The following SCRN1 variants were observed in gnomAD, a reference collection of about 807,000 sequenced individuals.
SCRN1 encodes secernin 1, also known as secernin-1.
A neutral mutation model predicts 43.3 loss-of-function variants in SCRN1; 19 were observed. The ratio of observed to expected loss-of-function variants is 0.44; its 90% CI spans 0.31 to 0.64. The LOEUF is 0.64. Among genes scored for constraint, SCRN1 ranks in the 30% least tolerant of loss-of-function variants. The probability of loss-of-function intolerance (pLI) is 0.09; values close to 1 mark genes in which losing one functional copy is unlikely to be tolerated. For synonymous variants in SCRN1, 183 were observed against 188.9 expected (o/e 0.97, Z 0.26); for missense variants, 447 against 524.1 (o/e 0.85, Z 1.44).
At chr7:29,969,967 T>C in intron 1 of SCRN1, 1 of 431,724 alleles carries the variant, frequency 2.3e-6, no homozygotes, top group Non-Finnish European at 4.7e-6. Context: ...TTCCATCTCC[T>C]AAATCTCTAT....
intron 3 of SCRN1, among the ~76,000 whole-genome samples, chr7:29,952,645 A>C (rs1217847501): frequency 1.3e-5 from 2 of 151,712 alleles, no homozygotes; most frequent in Admixed American, 1.3e-4. Flanking sequence ...AGCCGAGATC[A>C]TACCACTGCA....
chr7:29,958,823 G>A (rs1244078911), intron 2 of SCRN1, among the ~76,000 whole-genome samples: 2 of 152,134 alleles, frequency 1.3e-5, no homozygotes, highest in African/African-American at 4.8e-5. Context: ...ATATAAGAAT[G>A]CCCAGAGCTG....
intron 5 of SCRN1, among the ~76,000 whole-genome samples, chr7:29,938,281 A>C (rs1787409293): frequency 6.6e-6 from 1 of 152,168 alleles, no homozygotes; most frequent in Non-Finnish European, 1.5e-5. Context: ...TCCACCCTCC[A>C]TGGGCCTCCC....
intron 3 of SCRN1, among the ~76,000 whole-genome samples, chr7:29,951,008 C>A (rs564860574): frequency 6.6e-6 from 1 of 152,368 alleles, no homozygotes; most frequent in South Asian, 2.1e-4. Context: ...AGCACACCCC[C>A]AGCCCCCACC....
At chr7:29,954,538 A>G (rs1463405313) in intron 3 of SCRN1, among the ~76,000 whole-genome samples, 1 of 152,068 alleles carries the variant, frequency 6.6e-6, no homozygotes, top group Non-Finnish European at 1.5e-5. Flanking sequence ...GCAACCACTA[A>G]TCTAACTTCC....
At chr7:29,949,286 G>T (rs1396349137) in intron 3 of SCRN1, among the ~76,000 whole-genome samples, 1 of 148,800 alleles carries the variant, frequency 6.7e-6, no homozygotes, top group South Asian at 2.2e-4. Context: ...CTGCACTCCA[G>T]CCTGGGTGAC....
At chr7:29,983,411 C>T (rs946629948) in intron 1 of SCRN1, among the ~76,000 whole-genome samples, 1 of 151,290 alleles carries the variant, frequency 6.6e-6, no homozygotes, top group South Asian at 2.1e-4. Context: ...ATGTAACTAA[C>T]CTGCACAATG....
intron 1 of SCRN1, among the ~76,000 whole-genome samples, chr7:29,980,680 G>A (rs1788968339): frequency 6.6e-6 from 1 of 152,172 alleles, no homozygotes; most frequent in Non-Finnish European, 1.5e-5. Context: ...GTTACTTTAT[G>A]TCTGGCAAAG....
At chr7:29,968,254 T>G (rs1005894469) in intron 2 of SCRN1, among the ~76,000 whole-genome samples, 1 of 152,174 alleles carries the variant, frequency 6.6e-6, no homozygotes. Flanking sequence ...TGGGGCTGGT[T>G]AACTATGATA....
intron 3 of SCRN1, chr7:29,947,432 C>A: frequency 1.5e-6 from 2 of 1,299,312 alleles, no homozygotes; most frequent in Non-Finnish European, 2.1e-6. Flanking sequence ...AGATCCCTGT[C>A]CTTTTCTATC....
intron 2 of SCRN1, among the ~76,000 whole-genome samples, chr7:29,957,720 G>C (rs988119183): frequency 2.0e-5 from 3 of 152,292 alleles, no homozygotes; most frequent in South Asian, 4.1e-4. Flanking sequence ...CGCATGGTCC[G>C]CTAGAGGCTG....
At chr7:29,944,204 A>G in intron 3 of SCRN1, 25 bp from the exon 4 acceptor site, 1 of 1,607,726 alleles carries the variant, frequency 6.2e-7, no homozygotes, top group Non-Finnish European at 8.5e-7. Context: ...CCAGAACCAT[A>G]CTTCAGTCAT....
At chr7:29,958,219 C>A (rs998045131) in intron 2 of SCRN1, among the ~76,000 whole-genome samples, 1 of 152,222 alleles carries the variant, frequency 6.6e-6, no homozygotes, top group South Asian at 2.1e-4. Context: ...CAGCCATTCA[C>A]ACCTGCTCCA....
intron 3 of SCRN1, chr7:29,947,433 C>T (rs1010725519): frequency 1.5e-6 from 2 of 1,300,918 alleles, no homozygotes; most frequent in Non-Finnish European, 2.1e-6. Context: ...GATCCCTGTC[C>T]TTTTCTATCT....
intron 2 of SCRN1, 32 bp downstream of exon 2, chr7:29,968,877 T>G (rs1243782627): frequency 6.2e-7 from 1 of 1,611,030 alleles, no homozygotes; most frequent in Admixed American, 1.7e-5. Context: ...GAAAAGAGAG[T>G]GTGACTCGCG....
Position 29,989,732 on chromosome 7 carries a change from T to A in SCRN1, c.-92A>T, listed in dbSNP as rs546836072. ...GCGGGTGCTGCCGGGTCCGGATTAC[T>A]GCGGCGACCTCGGGGGCTGCAGCTG... On this transcript the variant is annotated 5_prime_UTR_variant, in exon 1 of 8. Coordinates refer to ENST00000242059, the MANE Select transcript of SCRN1 (RefSeq NM_014766.5). 1 of 986,068 alleles carries A rather than the reference T, an allele frequency of 1.0e-6. No individual in the cohort carries two copies. 61.1% of individuals were successfully genotyped at this position (986,068 alleles called of 1,614,324 possible). A position where few individuals can be genotyped will look rare whatever the true frequency, so the allele number is the denominator to read the frequency against.
intron 3 of SCRN1, among the ~76,000 whole-genome samples, chr7:29,953,404 GAAGA>G (rs1026911139): frequency 6.6e-6 from 1 of 152,038 alleles, no homozygotes; most frequent in African/African-American, 2.4e-5. Context: ...CAGGTGCTCT[GAAGA>G]AAGGCAAAAA....
At chr7:29,947,050 T>G (rs1787758821) in intron 3 of SCRN1, 3 of 919,994 alleles carry the variant, frequency 3.3e-6, no homozygotes, top group Non-Finnish European at 4.8e-6. Context: ...CTAATTTCAC[T>G]TTGGCTGCTA....
intron 1 of SCRN1, among the ~76,000 whole-genome samples, chr7:29,974,599 GA>G (rs912407222): frequency 6.8e-6 from 1 of 147,588 alleles, no homozygotes; most frequent in Non-Finnish European, 1.5e-5. Flanking sequence ...ACACTAAAAT[GA>G]AAAAAAACTG....
Sources: allele counts gnomAD v4.1 joint callset (sites outside exome capture counted in the v4.1 genomes callset), GRCh38; gene constraint gnomAD v4.1.1; transcripts MANE v1.5; gene names NCBI Gene and HGNC (gene_info 2026-07-23, HGNC 2026-07-21).